The following PPWD1 variants were observed in gnomAD, a reference collection of about 807,000 sequenced individuals.
The protein encoded by PPWD1 is peptidylprolyl isomerase domain and WD repeat containing 1, also known as peptidylprolyl isomerase domain and WD repeat-containing protein 1.
Under a neutral mutation model 68.8 loss-of-function variants are expected in PPWD1, and 43 were observed. The ratio of observed to expected loss-of-function variants is 0.62; its 90% CI spans 0.49 to 0.81. The LOEUF (loss-of-function observed/expected upper bound fraction) is 0.81. Among genes scored for constraint, PPWD1 ranks in the 30% least tolerant of loss-of-function variants. The probability of loss-of-function intolerance (pLI) is 0.00; values close to 1 mark genes in which losing one functional copy is unlikely to be tolerated. For synonymous variants in PPWD1, 232 were observed against 258.7 expected, an observed-to-expected ratio of 0.90 and a Z score of 0.99; for missense variants, 672 against 804.8, an observed-to-expected ratio of 0.83 and a Z score of 2.00.
At chr5:65,577,663 A>G (rs1052144650) in intron 6 of PPWD1, among the ~76,000 whole-genome samples, 1 of 152,260 alleles carries the variant, frequency 6.6e-6, no homozygotes, top group African/African-American at 2.4e-5. Context: ...CAGTTAACAG[A>G]CATGGAATTT....
At chr5:65,584,950 TGCAAA>T (rs1440110746) in intron 8 of PPWD1, 59 bp from the exon 9 acceptor site, 1 of 1,562,024 alleles carries the variant, frequency 6.4e-7, no homozygotes, top group African/African-American at 1.4e-5. Context: ...GAAGCAGAAC[TGCAAA>T]GAAAACTGTT....
chr5:65,579,297 T>A (rs1310946973), intron 6 of PPWD1, 127 bp from the exon 7 acceptor site: 13 of 1,293,434 alleles, frequency 1.0e-5, no homozygotes, highest in Non-Finnish European at 1.3e-5. Flanking sequence ...GAAACACTTT[T>A]AAAAATCTTT....
intron 1 of PPWD1, 127 bp from the exon 2 acceptor site, chr5:65,567,386 T>G: frequency 7.6e-7 from 1 of 1,322,110 alleles, no homozygotes. Context: ...AATTGTGAAT[T>G]GAGAAAAACT....
At chr5:65,580,110 C>T (rs1252946021) in intron 7 of PPWD1, among the ~76,000 whole-genome samples, 1 of 151,842 alleles carries the variant, frequency 6.6e-6, no homozygotes, top group Non-Finnish European at 1.5e-5. Flanking sequence ...AAGTACTTTG[C>T]ATGTTAACTA....
At chr5:65,583,928 G>A in intron 8 of PPWD1, among the ~76,000 whole-genome samples, 1 of 151,942 alleles carries the variant, frequency 6.6e-6, no homozygotes, top group East Asian at 1.9e-4. Context: ...CTCCAACCTG[G>A]GCAACAGAGT....
intron 6 of PPWD1, among the ~76,000 whole-genome samples, chr5:65,578,445 T>C (rs943163998): frequency 1.3e-5 from 2 of 152,154 alleles, no homozygotes; most frequent in Admixed American, 6.5e-5. Context: ...CTTTTTGCAT[T>C]CCCACCAGCA....
At chr5:65,567,385 T>G (rs1192623646) in intron 1 of PPWD1, 128 bp from the exon 2 acceptor site, 5 of 1,316,866 alleles carry the variant, frequency 3.8e-6, no homozygotes, top group Non-Finnish European at 5.0e-6. Context: ...TAATTGTGAA[T>G]TGAGAAAAAC....
At chr5:65,580,941 G>A (rs1055517010) in intron 7 of PPWD1, among the ~76,000 whole-genome samples, 2 of 151,992 alleles carry the variant, frequency 1.3e-5, no homozygotes, top group African/African-American at 4.8e-5. Flanking sequence ...GGCCTCTGAC[G>A]CTGTGCTCTT....
intron 1 of PPWD1, chr5:65,564,015 G>A: frequency 1.6e-6 from 1 of 635,920 alleles, no homozygotes; most frequent in Non-Finnish European, 2.7e-6. Flanking sequence ...AATGACGTAA[G>A]CTTCCTAGAT....
intron 2 of PPWD1, chr5:65,568,179 T>C (rs1752859271): frequency 6.6e-6 from 1 of 152,168 alleles, no homozygotes; most frequent in South Asian, 2.1e-4. Context: ...ATCTGAGAAA[T>C]TGAAACTCCA....
intron 2 of PPWD1, chr5:65,569,224 T>C (rs867979845): frequency 3.3e-6 from 1 of 306,198 alleles, no homozygotes; most frequent in Non-Finnish European, 6.4e-6. Context: ...AAAAAAACTT[T>C]TGTTGAATTT....
chr5:65,579,554 A>T lies in PPWD1; in HGVS notation c.1291A>T (p.Asn431Tyr). The T allele has an allele frequency of 1.2e-6, 2 of 1,609,524 alleles. No individual in the cohort carries two copies. The highest frequency in any genetic ancestry group is 1.1e-5 in the South Asian group (1 of 89,938). ...MKASENPVLQNIQADPTIVCT... is the reference protein window; with the variant it reads ...MKASENPVLQYIQADPTIVCT... Reference sequence around the variant, plus strand: ...AGCTTCTGAAAATCCTGTTCTTCAGAATATTCAAGCTGACCCAACAATAGT... The same window carrying T: ...AGCTTCTGAAAATCCTGTTCTTCAGTATATTCAAGCTGACCCAACAATAGT... Residue 431 changes from asparagine to tyrosine, a missense_variant, in exon 7 of 11, where the codon AAT becomes TAT. Asn to Tyr is a moderately radical substitution (Grantham distance 143, BLOSUM62 -2). Around this residue, in one of 2 missense-constraint regions of PPWD1, gnomAD observed 484 missense variants for 646.2 expected, o/e 0.75. Coordinates refer to ENST00000261308, the MANE Select transcript of PPWD1 (RefSeq NM_015342.4).
chr5:65,564,459 G>A (rs1335728373), intron 1 of PPWD1, among the ~76,000 whole-genome samples: 1 of 151,978 alleles, frequency 6.6e-6, no homozygotes, highest in African/African-American at 2.4e-5. Flanking sequence ...CTCCCGAGTA[G>A]CTGGGGCTAC....
chr5:65,564,703 TCTTCCATTAC>T (rs980934425), intron 1 of PPWD1, among the ~76,000 whole-genome samples: 1 of 152,154 alleles, frequency 6.6e-6, no homozygotes, highest in Non-Finnish European at 1.5e-5. Context: ...TCTTAGTGCA[TCTTCCATTAC>T]CTTCCTCTCC....
intron 1 of PPWD1, among the ~76,000 whole-genome samples, chr5:65,565,599 C>G (rs967132098): frequency 4.6e-5 from 7 of 151,668 alleles, no homozygotes; most frequent in Admixed American, 3.9e-4. Context: ...GTCAGGAGTT[C>G]TAGACCAGCC....
At chr5:65,584,184 A>G (rs928896640) in intron 8 of PPWD1, among the ~76,000 whole-genome samples, 1 of 152,180 alleles carries the variant, frequency 6.6e-6, no homozygotes, top group African/African-American at 2.4e-5. Flanking sequence ...TACTCAACAA[A>G]TAACTAGGCA....
chr5:65,572,264 G>C lies in PPWD1; in HGVS notation c.947G>C (p.Arg316Thr), dbSNP rs749587399. The C allele has an allele frequency of 1.5e-5, 24 of 1,610,198 alleles. No individual in the cohort carries two copies. The highest frequency in any genetic ancestry group is 1.3e-5 in the Non-Finnish European group (15 of 1,177,264). Reference sequence around the variant, plus strand: ...AGATTTGTAACTGGAAAACTCATGAGAGTCTTTGATGAATCACTAAGCGTA... The same window carrying C: ...AGATTTGTAACTGGAAAACTCATGACAGTCTTTGATGAATCACTAAGCGTA... Reference protein sequence around the residue: ...IFRFVTGKLMRVFDESLSMFT... With the variant: ...IFRFVTGKLMTVFDESLSMFT... The change falls in exon 5 of 11, where the codon AGA becomes ACA. Residue 316 changes from arginine to threonine, a missense_variant. Around this residue, in one of 2 missense-constraint regions of PPWD1, gnomAD observed 484 missense variants for 646.2 expected, o/e 0.75. Transcript: ENST00000261308.
rs1447303491 is a variant in PPWD1 at position 65,587,500 on chromosome 5, A to G, written c.*104A>G. The stretch of plus-strand genomic sequence containing the variant: ...TGCTGAATATACAGATCATGTTTCA[A>G]AGATACAGTATTTTTGTATTTTTTA... On this transcript the variant is annotated 3_prime_UTR_variant, in exon 11 of 11. Transcript: ENST00000261308. 7 of 896,334 alleles carry G rather than the reference A, an allele frequency of 7.8e-6. No homozygotes were observed. The African/African-American group carries it at 1.0e-4, about 13-fold the overall frequency. The allele number at this position is 896,334 out of a possible 1,614,324, so 55.5% of individuals were successfully genotyped here.
intron 5 of PPWD1, among the ~76,000 whole-genome samples, chr5:65,574,446 C>CTT (rs1753183576): frequency 2.2e-5 from 3 of 133,498 alleles, no homozygotes; most frequent in Middle Eastern, 3.8e-3. Flanking sequence ...GGACACAAAT[C>CTT]TCTTTTTTTT....
Sources: allele counts gnomAD v4.1 joint callset (sites outside exome capture counted in the v4.1 genomes callset), GRCh38; gene constraint gnomAD v4.1.1; regional missense constraint gnomAD v4.1.1; transcripts MANE v1.5; gene names NCBI Gene and HGNC (gene_info 2026-07-23, HGNC 2026-07-21).